The following TAFA2 variants were observed in gnomAD, a reference collection of about 807,000 sequenced individuals.
TAFA2 encodes chemokine-like protein TAFA-2.
Under a neutral mutation model 18.8 loss-of-function variants are expected in TAFA2, and 7 were observed. The observed-to-expected ratio is 0.37, with a 90% confidence interval of 0.21 to 0.70. The LOEUF (loss-of-function observed/expected upper bound fraction) is 0.70, where lower values mean the gene tolerates loss of function less well. Ranked by LOEUF, TAFA2 falls within the 30% of genes least tolerant of loss-of-function variation. The probability of loss-of-function intolerance (pLI) is 0.53; values close to 1 mark genes in which losing one functional copy is unlikely to be tolerated. For missense variants in TAFA2, 122 were observed against 158.1 expected, an observed-to-expected ratio of 0.77 and a Z score of 1.23; for synonymous variants, 60 against 54.2, an observed-to-expected ratio of 1.11 and a Z score of -0.47.
chr12:61,919,375 C>CT (rs1271637386), intron 1 of TAFA2, among the ~76,000 whole-genome samples: 2 of 152,292 alleles, frequency 1.3e-5, no homozygotes, highest in African/African-American at 2.4e-5. Context: ...ATATGTTACT[C>CT]TTTTTGCCTA....
intron 1 of TAFA2, among the ~76,000 whole-genome samples, chr12:62,185,905 C>T (rs576106101): frequency 6.6e-6 from 1 of 152,182 alleles, no homozygotes; most frequent in South Asian, 2.1e-4. Context: ...ATTCCTATAA[C>T]CACATAACCC....
chr12:61,859,281 C>T (rs549083687), intron 2 of TAFA2, among the ~76,000 whole-genome samples: 1 of 152,288 alleles, frequency 6.6e-6, no homozygotes, highest in African/African-American at 2.4e-5. Flanking sequence ...GAGACTCACT[C>T]ATTACCACCA....
At chr12:61,800,184 ACTAT>A (rs1459623994) in intron 2 of TAFA2, among the ~76,000 whole-genome samples, 3 of 152,214 alleles carry the variant, frequency 2.0e-5, no homozygotes, top group Admixed American at 6.5e-5. Context: ...TAATATATCC[ACTAT>A]CTATGTGCCA....
intron 1 of TAFA2, among the ~76,000 whole-genome samples, chr12:62,074,832 G>C (rs1361436569): frequency 1.3e-5 from 2 of 151,690 alleles, no homozygotes; most frequent in Non-Finnish European, 2.9e-5. Flanking sequence ...CTCCCGAGTA[G>C]CTGGGACTAC....
At chr12:62,017,385 T>C (rs1880973445) in intron 1 of TAFA2, among the ~76,000 whole-genome samples, 1 of 152,222 alleles carries the variant, frequency 6.6e-6, no homozygotes. Context: ...CTGAACTATT[T>C]GTAAATGCAA....
At chr12:61,761,654 A>C (rs1165100287) in intron 2 of TAFA2, among the ~76,000 whole-genome samples, 1 of 152,102 alleles carries the variant, frequency 6.6e-6, no homozygotes, top group East Asian at 1.9e-4. Context: ...CTATACCTCC[A>C]ATTTGCAAGG....
Position 61,906,915 on chromosome 12 carries a change from G to A in TAFA2, c.-1-39489C>T, listed in dbSNP as rs146887915. On this transcript the variant is annotated intron_variant, in intron 1 of 4. Transcript: ENST00000416284. ...TTTGAACTTGAGAGAGACGATTTAG[G>A]GTATCTGGCAGAAGAAATTTCTAGG... Among the ~76,000 whole-genome samples, 1,176 of 152,076 alleles carry A rather than the reference G, an allele frequency of 7.7e-3. 10 individuals carry two copies. The highest frequency in any genetic ancestry group is 0.027 in the African/African-American group (1,134 of 41,512).
chr12:61,726,901 C>T (rs1260153369), intron 4 of TAFA2, among the ~76,000 whole-genome samples: 2 of 151,862 alleles, frequency 1.3e-5, no homozygotes, highest in Non-Finnish European at 2.9e-5. Context: ...AGGTATGTCC[C>T]TTCTATACTA....
chr12:61,785,360 T>TGTGTGC lies in TAFA2; in HGVS notation c.107-30337_107-30336insGCACAC, dbSNP rs200476745. On this transcript the variant is annotated intron_variant, in intron 2 of 4. Transcript: ENST00000416284. Reference sequence around the variant, plus strand: ...GTGTGTGTGTGTGTGTGTGTGTGTGTTTGTGTGTGTGTGTCACATTTTCTT... The same window carrying TGTGTGC: ...GTGTGTGTGTGTGTGTGTGTGTGTGTGTGTGCTTGTGTGTGTGTGTCACATTTTCTT... Among the ~76,000 whole-genome samples the TGTGTGC allele has an allele frequency of 4.8e-5, 7 of 145,558 alleles. 1 individual carries two copies. The highest frequency in any genetic ancestry group is 2.1e-4 in the East Asian group (1 of 4,746).
chr12:62,237,836 CA>C (rs1565786052), intron 1 of TAFA2, among the ~76,000 whole-genome samples: 1 of 152,168 alleles, frequency 6.6e-6, no homozygotes, highest in African/African-American at 2.4e-5. Context: ...TACAGGGTCC[CA>C]AAGGGGATAC....
chr12:61,879,261 C>G (rs1217554848), intron 1 of TAFA2: 1 of 414,440 alleles, frequency 2.4e-6, no homozygotes, highest in Non-Finnish European at 4.3e-6. Flanking sequence ...AGCTTCTCCA[C>G]TCCTTCTCGA....
At position 61,801,667 on chromosome 12, in the gene TAFA2, C is replaced by G. The variant is rs545777959; in HGVS notation, c.107-46643G>C. 2.6e-5 allele frequency among the ~76,000 whole-genome samples: 4 copies of G among 152,138 alleles called. No individual in the cohort carries two copies. The East Asian group carries it at 7.7e-4, about 29-fold the overall frequency. ...AAGCTTTAAAACTACTAGAAGAAAG[C>G]ATCGGGGTAATGCTTAAGGACATTG... On this transcript the variant is annotated intron_variant, in intron 2 of 4. Transcript: ENST00000416284.
At chr12:62,060,631 A>C (rs189037941) in intron 1 of TAFA2, among the ~76,000 whole-genome samples, 7 of 152,292 alleles carry the variant, frequency 4.6e-5, no homozygotes, top group Admixed American at 6.5e-5. Flanking sequence ...GTCCTTCAGG[A>C]GGTATTCCAG....
chr12:61,852,380 G>A (rs1331717151), intron 2 of TAFA2, among the ~76,000 whole-genome samples: 3 of 152,122 alleles, frequency 2.0e-5, no homozygotes, highest in Non-Finnish European at 4.4e-5. Flanking sequence ...GCACAACAGG[G>A]AACAGAGCGA....
chr12:62,160,410 C>T (rs888156980), intron 1 of TAFA2, among the ~76,000 whole-genome samples: 1 of 152,200 alleles, frequency 6.6e-6, no homozygotes, highest in African/African-American at 2.4e-5. Context: ...TCATTTCGTT[C>T]ATACTTCTAT....
At chr12:61,999,934 C>G (rs1262385715) in intron 1 of TAFA2, among the ~76,000 whole-genome samples, 1 of 152,038 alleles carries the variant, frequency 6.6e-6, no homozygotes, top group Non-Finnish European at 1.5e-5. Context: ...TCTTTTCCTC[C>G]CTACTTGTTG....
intron 2 of TAFA2, among the ~76,000 whole-genome samples, chr12:61,775,757 G>A (rs1035669891): frequency 6.6e-6 from 1 of 151,836 alleles, no homozygotes; most frequent in Non-Finnish European, 1.5e-5. Context: ...CAAAACCAAA[G>A]TTAATCCTAA....
At chr12:62,139,884 T>A (rs1358807999) in intron 1 of TAFA2, 1 of 152,184 alleles carries the variant, frequency 6.6e-6, no homozygotes, top group Admixed American at 6.6e-5. Context: ...AAATCACGTC[T>A]CCTAACTCCC....
intron 1 of TAFA2, among the ~76,000 whole-genome samples, chr12:62,077,252 A>C (rs988957926): frequency 6.6e-6 from 1 of 152,224 alleles, no homozygotes; most frequent in Non-Finnish European, 1.5e-5. Flanking sequence ...GAAGCTGAAA[A>C]ACATATAAAC....
Sources: gnomAD v4.1 joint callset for allele counts (sites outside exome capture counted in the v4.1 genomes callset) on GRCh38, gnomAD v4.1.1 for gene constraint, MANE v1.5 for transcripts, NCBI Gene and HGNC (gene_info 2026-07-23, HGNC 2026-07-21) for gene names.